SCD5: variants seen among roughly 807,000 people sequenced by gnomAD.
SCD5 encodes acyl-CoA-desaturase 4.
In SCD5, 20 loss-of-function variants were observed where a neutral mutation model predicts 30.4. The ratio of observed to expected loss-of-function variants is 0.66; its 90% CI spans 0.46 to 0.96. The LOEUF is 0.96. Among genes scored for constraint, SCD5 ranks in the 40% least tolerant of loss-of-function variants. The pLI is 0.00. For synonymous variants in SCD5, 173 were observed against 176.4 expected (o/e 0.98, Z 0.16); for missense variants, 381 against 443.3 (o/e 0.86, Z 1.26).
At chr4:82,660,826 T>C in intron 3 of SCD5, 1 of 1,612,950 alleles carries the variant, frequency 6.2e-7, no homozygotes, top group Non-Finnish European at 8.5e-7. Flanking sequence ...CCGTCTGTTA[T>C]TCTATACGTT....
chr4:82,693,954 A>G (rs929618330), intron 2 of SCD5, among the ~76,000 whole-genome samples: 2 of 152,208 alleles, frequency 1.3e-5, no homozygotes, highest in Non-Finnish European at 2.9e-5. Flanking sequence ...CTCCAGTCAC[A>G]AGAGGGAATG....
chr4:82,753,465 G>A (rs146876562), intron 1 of SCD5: 177 of 496,906 alleles, frequency 3.6e-4, no homozygotes, highest in African/African-American at 1.7e-3. Flanking sequence ...AGAGTCACGC[G>A]GGTGGACTCT....
chr4:82,661,055 C>G, intron 3 of SCD5: 1 of 1,613,740 alleles, frequency 6.2e-7, no homozygotes, highest in Non-Finnish European at 8.5e-7. Flanking sequence ...AGAGCTCTTC[C>G]TTCTTTCTGG....
chr4:82,679,527 T>A (rs1728524091), intron 3 of SCD5, among the ~76,000 whole-genome samples: 1 of 152,216 alleles, frequency 6.6e-6, no homozygotes, highest in South Asian at 2.1e-4. Context: ...TCTTACTATG[T>A]GCCAGGCATT....
At chr4:82,781,355 G>A (rs1400007055) in intron 1 of SCD5, among the ~76,000 whole-genome samples, 1 of 151,908 alleles carries the variant, frequency 6.6e-6, no homozygotes, top group Admixed American at 6.6e-5. Context: ...GGCAGAGGTT[G>A]CAGTGAGCTG....
Position 82,703,394 on chromosome 4 carries a change from G to A in SCD5, c.363+1889C>T, listed in dbSNP as rs148111423. On this transcript the variant is annotated intron_variant, in intron 2 of 4. Coordinates refer to ENST00000319540, the MANE Select transcript of SCD5 (RefSeq NM_001037582.3). ...AGAGAAGGGGAGAACAATATTCACCGATTGCTACTATAAGCTTGGTACTTT... is the reference window on the plus strand; with the variant it reads ...AGAGAAGGGGAGAACAATATTCACCAATTGCTACTATAAGCTTGGTACTTT... Among the ~76,000 whole-genome samples the A allele has an allele frequency of 4.2e-3, 644 of 152,182 alleles. 1 individual carries two copies. Among genetic ancestry groups the A allele is most frequent in the African/African-American group, 0.015 (611 of 41,510 alleles).
intron 1 of SCD5, among the ~76,000 whole-genome samples, chr4:82,756,151 ATCTC>A (rs1721229091): frequency 6.6e-6 from 1 of 152,172 alleles, no homozygotes; most frequent in African/African-American, 2.4e-5. Flanking sequence ...GGAAACCAGC[ATCTC>A]TCTCCACTCC....
intron 3 of SCD5, among the ~76,000 whole-genome samples, chr4:82,641,581 AC>A (rs1288487745): frequency 6.6e-6 from 1 of 152,106 alleles, no homozygotes; most frequent in Non-Finnish European, 1.5e-5. Flanking sequence ...GGGCAGGGGT[AC>A]CCACAAATAG....
intron 2 of SCD5, among the ~76,000 whole-genome samples, chr4:82,700,740 T>C (rs1196583073): frequency 7.3e-6 from 1 of 137,110 alleles, no homozygotes; most frequent in Admixed American, 8.6e-5. Flanking sequence ...TGAGCCATGA[T>C]TGCTCCACTG....
At chr4:82,753,268 A>T (rs918185206) in intron 1 of SCD5, 1 of 475,528 alleles carries the variant, frequency 2.1e-6, no homozygotes, top group African/African-American at 2.0e-5. Context: ...AAATTAATCC[A>T]CATTCTCTAG....
At position 82,640,014 on chromosome 4, in the gene SCD5, A is replaced by AG. The variant is rs1253857969; in HGVS notation, c.570-3192dup. 2.0e-5 allele frequency among the ~76,000 whole-genome samples: 3 copies of AG among 152,138 alleles called. No homozygotes were observed. In the East Asian group the frequency reaches 5.8e-4, roughly 29 times the overall value. The stretch of plus-strand genomic sequence containing the variant: ...AGCAGCTTTGGGGTAGACACCCTCG[A>AG]GTCATGAAGGCCCCAGGCACAGGGA... On this transcript the variant is annotated intron_variant, in intron 3 of 4. Transcript: ENST00000319540.
At chr4:82,714,580 G>C (rs1720184658) in intron 1 of SCD5, among the ~76,000 whole-genome samples, 1 of 152,110 alleles carries the variant, frequency 6.6e-6, no homozygotes, top group South Asian at 2.1e-4. Context: ...AAGTGGTTTG[G>C]TTTGGCTCCA....
At chr4:82,684,401 T>G (rs1416949149) in intron 2 of SCD5, among the ~76,000 whole-genome samples, 3 of 152,104 alleles carry the variant, frequency 2.0e-5, no homozygotes, top group Non-Finnish European at 4.4e-5. Context: ...AAAAAGAAAT[T>G]AAAGAACAAG....
intron 3 of SCD5, among the ~76,000 whole-genome samples, chr4:82,663,999 G>C (rs1728105372): frequency 6.6e-6 from 1 of 152,134 alleles, no homozygotes; most frequent in Non-Finnish European, 1.5e-5. Context: ...TACTGGACCA[G>C]AACAATGAAG....
chr4:82,770,241 G>A (rs151188757), intron 1 of SCD5, among the ~76,000 whole-genome samples: 86 of 152,118 alleles, frequency 5.7e-4, no homozygotes, highest in African/African-American at 2.0e-3. Flanking sequence ...GTGTCCAAGT[G>A]TCCTCATTGT....
chr4:82,785,244 A>T (rs908887230), intron 1 of SCD5, among the ~76,000 whole-genome samples: 3 of 152,230 alleles, frequency 2.0e-5, no homozygotes, highest in Non-Finnish European at 4.4e-5. Flanking sequence ...ATACAAGAAG[A>T]GCTCTCTGCC....
chr4:82,739,292 AG>A (rs1007751303), intron 1 of SCD5, among the ~76,000 whole-genome samples: 4 of 152,182 alleles, frequency 2.6e-5, no homozygotes, highest in Admixed American at 2.0e-4. Context: ...GGAAGTGGAG[AG>A]GGCTCTATTT....
intron 1 of SCD5, among the ~76,000 whole-genome samples, chr4:82,791,381 G>C (rs2148854408): frequency 6.6e-6 from 1 of 152,024 alleles, no homozygotes; most frequent in South Asian, 2.1e-4. Context: ...CTGTTGTTGT[G>C]GCCACCAATC....
At chr4:82,635,358 G>A (rs1164708895) in intron 4 of SCD5, among the ~76,000 whole-genome samples, 1 of 152,070 alleles carries the variant, frequency 6.6e-6, no homozygotes, top group Admixed American at 6.5e-5. Flanking sequence ...GGTGGCTCAC[G>A]CCTGTAATCC....
Sources: gnomAD v4.1 joint callset for allele counts (sites outside exome capture counted in the v4.1 genomes callset) on GRCh38, gnomAD v4.1.1 for gene constraint, MANE v1.5 for transcripts, NCBI Gene and HGNC (gene_info 2026-07-23, HGNC 2026-07-21) for gene names.